NPAS3: variants seen among roughly 807,000 people sequenced by gnomAD.
NPAS3 encodes the protein neuronal PAS domain protein 3.
A neutral mutation model predicts 73.1 loss-of-function variants in NPAS3; 14 were observed. The ratio of observed to expected loss-of-function variants is 0.19; its 90% CI spans 0.13 to 0.30. The LOEUF (loss-of-function observed/expected upper bound fraction) is 0.30, where lower values mean the gene tolerates loss of function less well. Among genes scored for constraint, NPAS3 ranks in the 10% least tolerant of loss-of-function variants. The pLI is 1.00. For synonymous variants in NPAS3, 620 were observed against 541.5 expected (o/e 1.14, Z -2.01); for missense variants, 1,096 against 1,250.0 (o/e 0.88, Z 1.86).
intron 4 of NPAS3, among the ~76,000 whole-genome samples, chr14:33,370,250 G>A (rs1361898783): frequency 6.6e-6 from 1 of 152,058 alleles, no homozygotes; most frequent in Non-Finnish European, 1.5e-5. Flanking sequence ...AGTACTATGG[G>A]GCCACAAAAG....
chr14:33,697,870 G>C (rs1180726801), intron 6 of NPAS3, among the ~76,000 whole-genome samples: 1 of 152,122 alleles, frequency 6.6e-6, no homozygotes. Context: ...GCATAGGCAG[G>C]GTTATTAGAC....
intron 1 of NPAS3, among the ~76,000 whole-genome samples, chr14:32,961,668 T>C (rs910820292): frequency 6.6e-6 from 1 of 152,140 alleles, no homozygotes; most frequent in Non-Finnish European, 1.5e-5. Context: ...GAATGCAACA[T>C]TTCTTGAACT....
intron 3 of NPAS3, among the ~76,000 whole-genome samples, chr14:33,230,175 A>G (rs2047794724): frequency 6.6e-6 from 1 of 152,232 alleles, no homozygotes. Flanking sequence ...ATTCTTTTAC[A>G]GCAGTCCATT....
chr14:32,935,816 A>G (rs920752960), upstream of NPAS3, among the ~76,000 whole-genome samples: 1 of 152,232 alleles, frequency 6.6e-6, no homozygotes, highest in Non-Finnish European at 1.5e-5. Context: ...CTGAAGGACA[A>G]CTTTTGATGT....
intron 3 of NPAS3, among the ~76,000 whole-genome samples, chr14:33,255,081 A>C (rs1034369392): frequency 6.6e-6 from 1 of 152,158 alleles, no homozygotes; most frequent in Non-Finnish European, 1.5e-5. Context: ...GCTTGTATGA[A>C]TAGGAAGTAT....
chr14:33,062,616 AT>A (rs1462356773), intron 2 of NPAS3, among the ~76,000 whole-genome samples: 1 of 152,262 alleles, frequency 6.6e-6, no homozygotes, highest in Non-Finnish European at 1.5e-5. Flanking sequence ...ATTTTAAAAA[AT>A]AATTGGTTGG....
At chr14:33,042,445 T>C (rs141142639) in intron 1 of NPAS3, among the ~76,000 whole-genome samples, 1 of 152,348 alleles carries the variant, frequency 6.6e-6, no homozygotes, top group African/African-American at 2.4e-5. Context: ...TAAGGAATTT[T>C]CATGTCATTT....
At chr14:33,732,861 C>T (rs982156157) in intron 6 of NPAS3, among the ~76,000 whole-genome samples, 1 of 147,344 alleles carries the variant, frequency 6.8e-6, no homozygotes, top group Admixed American at 6.6e-5. Flanking sequence ...GGCTCCACAG[C>T]TCACGTGAAG....
At chr14:33,099,108 A>G (rs954952539) in intron 2 of NPAS3, among the ~76,000 whole-genome samples, 9 of 152,208 alleles carry the variant, frequency 5.9e-5, no homozygotes, top group African/African-American at 2.2e-4. Context: ...CAAGGTGTAC[A>G]TAGAACAATA....
chr14:33,263,063 A>G (rs79736545), intron 3 of NPAS3, among the ~76,000 whole-genome samples: 5 of 152,020 alleles, frequency 3.3e-5, no homozygotes, highest in Non-Finnish European at 5.9e-5. Flanking sequence ...CTCCCATTCT[A>G]TAGGTTGCCT....
At chr14:33,228,562 G>C (rs1594452134) in intron 3 of NPAS3, among the ~76,000 whole-genome samples, 1 of 152,068 alleles carries the variant, frequency 6.6e-6, no homozygotes, top group Non-Finnish European at 1.5e-5. Flanking sequence ...TTGTCATCAG[G>C]GATCCGAAAT....
chr14:33,656,570 T>G (rs74042362), intron 5 of NPAS3, among the ~76,000 whole-genome samples: 63 of 152,306 alleles, frequency 4.1e-4, no homozygotes, highest in African/African-American at 1.4e-3. Context: ...TTTCTTCTTT[T>G]TAAAATTTTT....
At position 33,239,939 on chromosome 14, in the gene NPAS3, T is replaced by C. The variant is rs138955903; in HGVS notation, c.385+24513T>C. ...TGAGAGAATGCACTGCTTTTAACCATAGGAGTAGAACCCCTCAAATGTGGC... is the reference window on the plus strand; with the variant it reads ...TGAGAGAATGCACTGCTTTTAACCACAGGAGTAGAACCCCTCAAATGTGGC... On this transcript the variant is annotated intron_variant, in intron 3 of 11. Coordinates refer to ENST00000356141, the Ensembl canonical transcript of NPAS3. Among the ~76,000 whole-genome samples the C allele has an allele frequency of 8.2e-3, 1,246 of 152,018 alleles. 9 individuals carry two copies. The highest frequency in any genetic ancestry group is 0.013 in the Non-Finnish European group (866 of 67,828).
At chr14:33,144,973 G>C (rs1042350396) in intron 2 of NPAS3, among the ~76,000 whole-genome samples, 10 of 152,068 alleles carry the variant, frequency 6.6e-5, no homozygotes, top group African/African-American at 2.4e-4. Flanking sequence ...TATCATACTT[G>C]AATTACAACT....
At chr14:33,180,848 G>A (rs970988486) in intron 2 of NPAS3, among the ~76,000 whole-genome samples, 38 of 145,206 alleles carry the variant, frequency 2.6e-4, no homozygotes, top group African/African-American at 9.3e-4. Flanking sequence ...GTGGTGAAAT[G>A]TTTTATGGAA....
chr14:33,363,260 T>G (rs2045688901), intron 3 of NPAS3, among the ~76,000 whole-genome samples: 1 of 152,178 alleles, frequency 6.6e-6, no homozygotes, highest in African/African-American at 2.4e-5. Flanking sequence ...AAAGAAGGGT[T>G]GCCTTTTACT....
At chr14:32,941,226 CTCCCT>C (rs1287373145) in intron 1 of NPAS3, among the ~76,000 whole-genome samples, 2 of 55,778 alleles carry the variant, frequency 3.6e-5, no homozygotes, top group Non-Finnish European at 3.5e-5. Flanking sequence ...TCCTCCCTCC[CTCCCT>C]TCCCCTCCTC....
intron 4 of NPAS3, among the ~76,000 whole-genome samples, chr14:33,476,551 C>T (rs1347226268): frequency 6.6e-6 from 1 of 152,154 alleles, no homozygotes; most frequent in African/African-American, 2.4e-5. Context: ...AAAAAATACA[C>T]CCCTCTATTG....
intron 3 of NPAS3, among the ~76,000 whole-genome samples, chr14:33,245,904 A>T (rs907882894): frequency 7.4e-6 from 1 of 135,974 alleles, no homozygotes; most frequent in African/African-American, 2.7e-5. Flanking sequence ...TCATATTTTA[A>T]TTTTTTGTTA....
Sources: gnomAD v4.1 joint callset for allele counts (sites outside exome capture counted in the v4.1 genomes callset) on GRCh38, gnomAD v4.1.1 for gene constraint, MANE v1.5 for transcripts, NCBI Gene and HGNC (gene_info 2026-07-23, HGNC 2026-07-21) for gene names.